The following ERBB4 variants were observed in gnomAD, a reference collection of about 807,000 sequenced individuals.
ERBB4 encodes the protein erb-b2 receptor tyrosine kinase 4, also known as receptor tyrosine-protein kinase erbB-4.
A neutral mutation model predicts 158.0 loss-of-function variants in ERBB4; 42 were observed. The observed-to-expected ratio is 0.27, with a 90% confidence interval of 0.21 to 0.34. The LOEUF (loss-of-function observed/expected upper bound fraction) is 0.34. Among genes scored for constraint, ERBB4 ranks in the 10% least tolerant of loss-of-function variants. The probability of loss-of-function intolerance (pLI) is 1.00; values close to 1 mark genes in which losing one functional copy is unlikely to be tolerated. For missense variants in ERBB4, 1,333 were observed against 1,624.1 expected, an observed-to-expected ratio of 0.82 and a Z score of 3.08; for synonymous variants, 583 against 558.7, an observed-to-expected ratio of 1.04 and a Z score of -0.61.
intron 1 of ERBB4, among the ~76,000 whole-genome samples, chr2:212,392,889 T>C (rs974790741): frequency 6.6e-6 from 1 of 152,030 alleles, no homozygotes; most frequent in Non-Finnish European, 1.5e-5. Context: ...AGAGATTTAT[T>C]AGGTGGCTGC....
chr2:211,836,046 A>G (rs1419146839), intron 3 of ERBB4, among the ~76,000 whole-genome samples: 1 of 152,124 alleles, frequency 6.6e-6, no homozygotes, highest in Non-Finnish European at 1.5e-5. Flanking sequence ...CTAAGTATAA[A>G]TAAAAATAAG....
At chr2:211,755,080 C>T (rs1455775261) in intron 4 of ERBB4, among the ~76,000 whole-genome samples, 1 of 152,094 alleles carries the variant, frequency 6.6e-6, no homozygotes, top group Admixed American at 6.5e-5. Flanking sequence ...TTCCATGTAG[C>T]TCGGTGATAG....
chr2:212,498,890 T>C (rs1245174929), intron 1 of ERBB4, among the ~76,000 whole-genome samples: 1 of 151,962 alleles, frequency 6.6e-6, no homozygotes, highest in South Asian at 2.1e-4. Flanking sequence ...AGAATATTCT[T>C]GAGTAACTAC....
chr2:212,242,087 C>T (rs1559826900), intron 1 of ERBB4, among the ~76,000 whole-genome samples: 1 of 151,786 alleles, frequency 6.6e-6, no homozygotes, highest in Admixed American at 6.6e-5. Flanking sequence ...TTTTACATTT[C>T]CAAGTTAAAC....
chr2:212,279,923 C>T (rs760557496), intron 1 of ERBB4, among the ~76,000 whole-genome samples: 1 of 151,416 alleles, frequency 6.6e-6, no homozygotes, highest in Non-Finnish European at 1.5e-5. Context: ...AATGTAATTA[C>T]ATTATAAAGT....
chr2:211,619,275 C>G lies in ERBB4; in HGVS notation c.2203G>C (p.Gly735Arg), dbSNP rs1369649105. 1 of 1,578,486 alleles carries G rather than the reference C, an allele frequency of 6.3e-7. No homozygotes were observed. The highest frequency in any genetic ancestry group is 8.7e-7 in the Non-Finnish European group (1 of 1,148,086). The change falls in exon 19 of 28, where the codon GGT becomes CGT. Residue 735 changes from glycine to arginine, a missense_variant and splice_region_variant. By Grantham distance (125) the Gly-to-Arg change is moderately radical (BLOSUM62 -2). This residue lies in a region of ERBB4 where 314 missense variants were observed against 437.6 expected (regional missense o/e 0.72). Coordinates refer to ENST00000342788, the MANE Select transcript of ERBB4 (RefSeq NM_005235.3). ...GTTTCTCCTTCAGGTACCCAAATAC[C>G]CTTTGGGGAAAAAAATTTACATTAA... ...GSGAFGTVYKGIWVPEGETVK... is the reference protein window; with the variant it reads ...GSGAFGTVYKRIWVPEGETVK...
chr2:212,254,358 A>G (rs1353878083), intron 1 of ERBB4, among the ~76,000 whole-genome samples: 2 of 152,158 alleles, frequency 1.3e-5, no homozygotes, highest in African/African-American at 4.8e-5. Context: ...GCTATGTTGA[A>G]TCTGACACAC....
intron 2 of ERBB4, among the ~76,000 whole-genome samples, chr2:212,090,482 T>C (rs2078740851): frequency 6.6e-6 from 1 of 152,126 alleles, no homozygotes; most frequent in Non-Finnish European, 1.5e-5. Flanking sequence ...GATTGTCAGC[T>C]CAAACTGGTC....
At chr2:211,830,150 G>A (rs1046227330) in intron 3 of ERBB4, among the ~76,000 whole-genome samples, 1 of 152,146 alleles carries the variant, frequency 6.6e-6, no homozygotes, top group Non-Finnish European at 1.5e-5. Context: ...CTTTCTTGGG[G>A]ACTGTGTCTT....
intron 12 of ERBB4, among the ~76,000 whole-genome samples, chr2:211,699,494 G>C (rs2073153028): frequency 6.6e-6 from 1 of 152,128 alleles, no homozygotes; most frequent in Non-Finnish European, 1.5e-5. Flanking sequence ...TCTGAAAATG[G>C]AGGCATATGG....
chr2:211,702,005 C>G lies in ERBB4; in HGVS notation c.1451G>C (p.Arg484Thr), dbSNP rs959924017. 6.8e-6 allele frequency: 11 copies of G among 1,613,956 alleles called. No homozygotes were observed. The highest frequency in any genetic ancestry group is 9.3e-6 in the Non-Finnish European group (11 of 1,179,916). ...TTTTCTGTTGTCCCGGATTACTATT[C>G]TCTGGTTGATTGTGCTGAAGAGTGT... is the stretch of plus-strand genomic sequence containing the variant. ...WTTLFSTINQ[R>T]IVIRDNRKAE... The change falls in exon 12 of 28, where the codon AGA becomes ACA. Residue 484 changes from arginine (R) to threonine (T), a missense_variant. By Grantham distance (71) the Arg-to-Thr change is moderately conservative. Transcript: ENST00000342788.
intron 1 of ERBB4, among the ~76,000 whole-genome samples, chr2:212,228,030 G>A (rs1327857291): frequency 2.6e-5 from 4 of 152,096 alleles, no homozygotes; most frequent in African/African-American, 9.7e-5. Flanking sequence ...TTAATGAAAA[G>A]ATTACACAAA....
intron 2 of ERBB4, among the ~76,000 whole-genome samples, chr2:212,062,396 A>ATTTTTTTTTTTTTTTTTTTTTT (rs1559419685): frequency 5.2e-5 from 5 of 96,520 alleles, no homozygotes; most frequent in Non-Finnish European, 1.0e-4. Context: ...TCACTTGTCA[A>ATTTTTTTTTTTTTTTTTTTTTT]TTCTTTTTTT....
intron 1 of ERBB4, among the ~76,000 whole-genome samples, chr2:212,411,368 T>C (rs2091494726): frequency 6.6e-6 from 1 of 152,208 alleles, no homozygotes; most frequent in African/African-American, 2.4e-5. Context: ...ATTCCCATTA[T>C]ATTTGTAAAA....
At chr2:212,143,877 T>G (rs2080570601) in intron 1 of ERBB4, among the ~76,000 whole-genome samples, 1 of 151,676 alleles carries the variant, frequency 6.6e-6, no homozygotes, top group African/African-American at 2.4e-5. Flanking sequence ...AAATTAACCA[T>G]GTGTGGTGAC....
intron 16 of ERBB4, among the ~76,000 whole-genome samples, chr2:211,647,181 C>T (rs1414313268): frequency 6.6e-6 from 1 of 151,446 alleles, no homozygotes; most frequent in Middle Eastern, 3.2e-3. Flanking sequence ...TTCTTTTCCT[C>T]TTAACTCTTC....
chr2:211,559,139 C>T (rs188597281), intron 20 of ERBB4, among the ~76,000 whole-genome samples: 32 of 152,202 alleles, frequency 2.1e-4, no homozygotes, highest in Non-Finnish European at 2.9e-5. Context: ...CCGTACTCCC[C>T]TCCCTCACCA....
intron 1 of ERBB4, among the ~76,000 whole-genome samples, chr2:212,455,683 A>G (rs1688255872): frequency 6.6e-6 from 1 of 152,204 alleles, no homozygotes; most frequent in Non-Finnish European, 1.5e-5. Flanking sequence ...TCTAAACCTC[A>G]GATGCAAACT....
intron 14 of ERBB4, among the ~76,000 whole-genome samples, chr2:211,669,216 C>CAAAAAAAAAAAAAA (rs71054124): frequency 4.9e-3 from 274 of 55,402 alleles, no homozygotes; most frequent in Middle Eastern, 0.014. Flanking sequence ...GAGTGAGTCT[C>CAAAAAAAAAAAAAA]AAAAAAAAAA....
Sources: allele counts gnomAD v4.1 joint callset (sites outside exome capture counted in the v4.1 genomes callset), GRCh38; gene constraint gnomAD v4.1.1; regional missense constraint gnomAD v4.1.1; transcripts MANE v1.5; gene names NCBI Gene and HGNC (gene_info 2026-07-23, HGNC 2026-07-21).